Variants in TRRAP observed in about 807,000 individuals in gnomAD.
TRRAP encodes the protein transformation/transcription domain-associated protein.
TRRAP carries 41 observed loss-of-function variants against 438.8 expected under a neutral mutation model. That is an observed-to-expected ratio of 0.09 (90% CI 0.07 to 0.12). TRRAP has a LOEUF of 0.12. Among genes scored for constraint, TRRAP ranks in the 10% least tolerant of loss-of-function variants. TRRAP has a pLI of 1.00. For missense variants in TRRAP, 3,122 were observed against 5,055.1 expected (o/e 0.62, Z 11.60); for synonymous variants, 1,994 against 1,962.9 (o/e 1.02, Z -0.42).
At chr7:98,881,280 T>C (rs1554403016) in intron 2 of TRRAP, 30 bp downstream of exon 2, 1 of 1,568,150 alleles carries the variant, frequency 6.4e-7, no homozygotes, top group Non-Finnish European at 8.7e-7. Flanking sequence ...CATTAAGAAA[T>C]GCATAAATAA....
chr7:98,950,782 G>A, intron 38 of TRRAP, 94 bp from the exon 39 acceptor site: 9 of 1,380,084 alleles, frequency 6.5e-6, no homozygotes, highest in Non-Finnish European at 8.5e-6. Flanking sequence ...CAACTTGATG[G>A]TGTGCTAAGG....
At chr7:98,955,419 C>A in intron 41 of TRRAP, 115 bp downstream of exon 41, 1 of 1,116,054 alleles carries the variant, frequency 9.0e-7, no homozygotes, top group South Asian at 1.6e-5. Flanking sequence ...AGTAAGGCTA[C>A]TTCTGGTTCA....
chr7:98,993,262 C>G (rs1056601703), intron 65 of TRRAP, among the ~76,000 whole-genome samples: 1 of 152,252 alleles, frequency 6.6e-6, no homozygotes, highest in Non-Finnish European at 1.5e-5. Context: ...GGCGTGTTGT[C>G]ACATCTGCAT....
chr7:98,977,242 A>G (rs1584384603), intron 56 of TRRAP, among the ~76,000 whole-genome samples, 166 bp downstream of exon 56: 1 of 152,042 alleles, frequency 6.6e-6, no homozygotes, highest in Non-Finnish European at 1.5e-5. Flanking sequence ...GCTCACTGCA[A>G]CCTCCACCTC....
In TRRAP at chr7:98,911,151, G is replaced by A; in HGVS notation, c.1887G>A (p.Lys629=). Reference sequence around the variant, plus strand: ...AGACTGTGAGAATGAAAGAGGAGAAGGAGGTATTGGAGCATTTCGCTGGTG... The same window carrying A: ...AGACTGTGAGAATGAAAGAGGAGAAAGAGGTATTGGAGCATTTCGCTGGTG... ...NCQTVRMKEE[K]EVLEHFAGVF... is the part of the protein sequence containing the mutation. The change falls in exon 17 of 73, where the codon AAG becomes AAA. Residue 629 remains lysine, a synonymous_variant. Coordinates refer to ENST00000456197, the MANE Select transcript of TRRAP (RefSeq NM_001375524.1). 6.2e-7 allele frequency: 1 copy of A among 1,614,164 alleles called. No homozygotes were observed. Among genetic ancestry groups the A allele is most frequent in the African/African-American group, 1.3e-5 (1 of 75,048 alleles).
In TRRAP at chr7:99,005,402, A is replaced by ATGAGAGCCACACCTCG; in HGVS notation, c.10753+57_10753+72dup. The ATGAGAGCCACACCTCG allele has an allele frequency of 1.9e-6, 3 of 1,547,676 alleles. No homozygotes were observed. The highest frequency in any genetic ancestry group is 2.7e-6 in the Non-Finnish European group (3 of 1,121,454). The stretch of plus-strand genomic sequence containing the variant: ...TACACAGGCAGCTTCACAGGTGGGG[A>ATGAGAGCCACACCTCG]TGAGAGCCACACCTCGTGGGGTGCA... On this transcript the variant is annotated intron_variant, in intron 69 of 72. Transcript: ENST00000456197. This position sits in a 1 kb window ranked among gnomAD's most constrained non-coding sequence, Gnocchi z 5.1.
At chr7:98,946,622 TGCAC>T (rs782409347) in intron 33 of TRRAP, among the ~76,000 whole-genome samples, 51 of 149,166 alleles carry the variant, frequency 3.4e-4, no homozygotes, top group Middle Eastern at 3.4e-3. Context: ...ACACCACACA[TGCAC>T]ACACACCACA....
intron 18 of TRRAP, 36 bp downstream of exon 18, chr7:98,912,249 A>G (rs782172283): frequency 4.9e-5 from 78 of 1,597,182 alleles, no homozygotes; most frequent in Non-Finnish European, 6.4e-5. Flanking sequence ...GCTTCTGTTC[A>G]GGGTTTTTTA....
intron 13 of TRRAP, among the ~76,000 whole-genome samples, chr7:98,906,474 C>T (rs1446231092): frequency 6.6e-6 from 1 of 151,262 alleles, no homozygotes; most frequent in African/African-American, 2.4e-5. Context: ...ACTCTGTCAC[C>T]CGGGCTGGAG....
intron 36 of TRRAP, 28 bp from the exon 37 acceptor site, chr7:98,949,632 G>A (rs781968679): frequency 1.0e-4 from 160 of 1,600,564 alleles, no homozygotes; most frequent in Non-Finnish European, 1.3e-4. Context: ...ATCGAGACAC[G>A]GTTCCCTAAT....
At chr7:98,995,167 T>TA (rs1347985482) in intron 67 of TRRAP, among the ~76,000 whole-genome samples, 1 of 151,820 alleles carries the variant, frequency 6.6e-6, no homozygotes, top group Non-Finnish European at 1.5e-5. Context: ...GGAAACAGGG[T>TA]AGGGTGGGGT....
chr7:98,888,498 TTGCACTCCAGCCTGGGCGACAGAG>T (rs1379749740), intron 3 of TRRAP, among the ~76,000 whole-genome samples: 3 of 147,058 alleles, frequency 2.0e-5, no homozygotes, highest in Non-Finnish European at 4.5e-5. Context: ...GATCACGCCA[TTGCACTCCAGCCTGGGCGACAGAG>T]TGAGACTCCG....
chr7:98,882,967 C>G (rs1453008613), intron 3 of TRRAP, among the ~76,000 whole-genome samples: 4 of 152,188 alleles, frequency 2.6e-5, no homozygotes, highest in East Asian at 1.9e-4. Flanking sequence ...CCGAGATGCA[C>G]TCAGATTTAT....
chr7:98,930,660 A>G lies in TRRAP; in HGVS notation c.3421A>G (p.Ile1141Val). 2.5e-6 allele frequency: 4 copies of G among 1,613,986 alleles called. No homozygotes were observed. The highest frequency in any genetic ancestry group is 1.7e-4 in the Middle Eastern group (1 of 5,900). ...CTGCCAGCTGCCCCTGTTTTCTTAC[A>G]TCGTGGAGCGCCTGTGTGCATGTTG... ...RACQLPLFSY[I>V]VERLCACCYE... The change falls in exon 25 of 73, where the codon ATC becomes GTC. Residue 1141 changes from isoleucine (I) to valine (V), a missense_variant. Transcript: ENST00000456197.
rs138818653 is a variant in TRRAP at position 98,986,022 on chromosome 7, A to G, written c.9389+978A>G. Among the ~76,000 whole-genome samples the G allele has an allele frequency of 1.5e-3, 230 of 152,318 alleles. 1 individual carries two copies. The South Asian group carries it at 0.028, about 18-fold the overall frequency. ...ATGGATTTGCTTATTCTGAACATTC[A>G]TATAAATAGAAGCATACACTGTGTG... On this transcript the variant is annotated intron_variant, in intron 62 of 72. Coordinates refer to ENST00000456197, the MANE Select transcript of TRRAP (RefSeq NM_001375524.1).
At chr7:98,906,551 G>A (rs1796744423) in intron 13 of TRRAP, among the ~76,000 whole-genome samples, 1 of 152,026 alleles carries the variant, frequency 6.6e-6, no homozygotes, top group Non-Finnish European at 1.5e-5. Context: ...CCCTGCCTCA[G>A]CTGCCCGAGT....
intron 39 of TRRAP, among the ~76,000 whole-genome samples, chr7:98,952,312 C>T (rs310734): frequency 6.6e-6 from 1 of 152,148 alleles, no homozygotes; most frequent in Non-Finnish European, 1.5e-5. Flanking sequence ...ATTTTTTGAA[C>T]GTAGACATTT....
Position 98,994,696 on chromosome 7 carries a change from A to G in TRRAP, c.10157A>G (p.Lys3386Arg). The G allele has an allele frequency of 1.2e-6, 2 of 1,614,238 alleles. No individual in the cohort carries two copies. Among genetic ancestry groups the G allele is most frequent in the Non-Finnish European group, 1.7e-6 (2 of 1,180,050 alleles). The change falls in exon 67 of 73, where the codon AAG (lysine) becomes AGG (arginine). Residue 3386 changes from lysine (K) to arginine (R), a missense_variant. Physicochemically the swap from Lys to Arg is conservative, Grantham distance 26 (BLOSUM62 2). Coordinates refer to ENST00000456197, the MANE Select transcript of TRRAP (RefSeq NM_001375524.1). This position sits in a 1 kb window ranked among gnomAD's most constrained non-coding sequence, Gnocchi z 4.8. ...ACCCCCCACACTCTCAATTTTGTGA[A>G]GAAGTTGGTGAGCACGTTTGGGGTG... ...KITPHTLNFVKKLVSTFGVGL... is the reference protein window; with the variant it reads ...KITPHTLNFVRKLVSTFGVGL...
At chr7:99,008,736 C>G (rs1346635594) in intron 70 of TRRAP, among the ~76,000 whole-genome samples, 175 bp downstream of exon 70, 1 of 152,204 alleles carries the variant, frequency 6.6e-6, no homozygotes, top group Non-Finnish European at 1.5e-5. Context: ...AGCTATTGAC[C>G]TTGGTGAGAG....
Sources: gnomAD v4.1 joint callset for allele counts (sites outside exome capture counted in the v4.1 genomes callset) on GRCh38, gnomAD v4.1.1 for gene constraint, Gnocchi (gnomAD v3.1) non-coding constraint, MANE v1.5 for transcripts, NCBI Gene and HGNC (gene_info 2026-07-23, HGNC 2026-07-21) for gene names.